Variants in TYW1 observed in about 807,000 individuals in gnomAD.
TYW1 encodes S-adenosyl-L-methionine-dependent tRNA 4-demethylwyosine synthase TYW1.
A neutral mutation model predicts 96.2 loss-of-function variants in TYW1; 46 were observed. The ratio of observed to expected loss-of-function variants is 0.48; its 90% confidence interval spans 0.38 to 0.61. The LOEUF (loss-of-function observed/expected upper bound fraction) is 0.61. TYW1 is among the 20% of genes least tolerant of loss of function. The pLI, the probability that TYW1 is intolerant of heterozygous loss-of-function variation, is 0.00. For missense variants in TYW1, 684 were observed against 909.6 expected (o/e 0.75, Z 3.19); for synonymous variants, 274 against 323.0 (o/e 0.85, Z 1.63).
intron 11 of TYW1, among the ~76,000 whole-genome samples, chr7:67,093,699 T>C (rs1448056547): frequency 1.3e-5 from 2 of 152,132 alleles, no homozygotes; most frequent in Non-Finnish European, 2.9e-5. Flanking sequence ...AAAAAATTAT[T>C]CATCCATCCA....
At chr7:67,121,896 A>G (rs1472543733) in intron 13 of TYW1, among the ~76,000 whole-genome samples, 1 of 149,106 alleles carries the variant, frequency 6.7e-6, no homozygotes, top group Non-Finnish European at 1.5e-5. Context: ...ATATATTGGT[A>G]CTTGAGTATG....
intron 6 of TYW1, among the ~76,000 whole-genome samples, chr7:67,019,423 C>G (rs1794152956): frequency 6.6e-6 from 1 of 151,998 alleles, no homozygotes; most frequent in Non-Finnish European, 1.5e-5. Flanking sequence ...GTCTCGAACT[C>G]CTGACCTCAG....
intron 8 of TYW1, among the ~76,000 whole-genome samples, chr7:67,051,935 G>A (rs557564461): frequency 1.1e-4 from 17 of 152,102 alleles, no homozygotes; most frequent in African/African-American, 4.1e-4. Flanking sequence ...GTTGACAGCT[G>A]TTTTTTCCTT....
intron 15 of TYW1, among the ~76,000 whole-genome samples, chr7:67,201,628 G>A (rs562279934): frequency 5.3e-5 from 8 of 152,080 alleles, no homozygotes; most frequent in East Asian, 3.9e-4. Context: ...ACTCGGTGAC[G>A]TCAGGAAGAA....
intron 7 of TYW1, among the ~76,000 whole-genome samples, chr7:67,049,626 A>C: frequency 6.6e-6 from 1 of 150,446 alleles, no homozygotes. Flanking sequence ...GGCTCACTGC[A>C]ACTTTCGTTT....
At chr7:67,090,621 C>T (rs1297709325) in intron 11 of TYW1, among the ~76,000 whole-genome samples, 2 of 152,028 alleles carry the variant, frequency 1.3e-5, no homozygotes, top group Admixed American at 1.3e-4. Context: ...AATAACAAAG[C>T]AGAGTTTAGT....
At chr7:67,137,363 C>T (rs1584606884) in intron 13 of TYW1, among the ~76,000 whole-genome samples, 1 of 151,978 alleles carries the variant, frequency 6.6e-6, no homozygotes, top group African/African-American at 2.4e-5. Context: ...CACCTGTAAT[C>T]TCAGCACTTT....
chr7:67,057,047 G>T (rs1272710266), intron 9 of TYW1, among the ~76,000 whole-genome samples: 2 of 146,282 alleles, frequency 1.4e-5, no homozygotes, highest in African/African-American at 5.0e-5. Context: ...ATGGAGTCTC[G>T]CTCTGTTGCC....
chr7:67,194,339 T>C lies in TYW1; in HGVS notation c.1810-831T>C, dbSNP rs545382941. Reference sequence around the variant, plus strand: ...CAAAATTAACTCCCTAAAGAATAATTTTAGGCCAGGTGTAGTGGCTCACAC... The same window carrying C: ...CAAAATTAACTCCCTAAAGAATAATCTTAGGCCAGGTGTAGTGGCTCACAC... On this transcript the variant is annotated intron_variant, in intron 14 of 15. Transcript: ENST00000359626. Among the ~76,000 whole-genome samples the C allele has an allele frequency of 1.8e-4, 27 of 150,850 alleles. No individual in the cohort carries two copies. The South Asian group carries it at 5.7e-3, about 32-fold the overall frequency.
intron 7 of TYW1, among the ~76,000 whole-genome samples, chr7:67,044,272 T>C (rs541395860): frequency 3.9e-5 from 6 of 152,126 alleles, no homozygotes; most frequent in Admixed American, 1.3e-4. Flanking sequence ...CTAATTTTTG[T>C]ATTTTCAGAA....
rs1796074465 is a variant in TYW1 at position 67,072,938 on chromosome 7, T to TG, written c.1274+5535_1274+5536insG. 5.3e-5 allele frequency among the ~76,000 whole-genome samples: 5 copies of TG among 93,878 alleles called. No homozygotes were observed. In the South Asian group the frequency reaches 1.8e-3, roughly 34 times the overall value. 61.6% of individuals were successfully genotyped at this position (93,878 alleles called of 152,430 possible). On this transcript the variant is annotated intron_variant, in intron 10 of 15. Coordinates refer to ENST00000359626, the MANE Select transcript of TYW1 (RefSeq NM_018264.4). ...TTGTGCCACAATGCCTATCCAGTTT[T>TG]TTTTTTTTTTTTTTTTTTTTTTTTT...
intron 15 of TYW1, among the ~76,000 whole-genome samples, chr7:67,209,705 T>C (rs895964493): frequency 6.6e-6 from 1 of 152,074 alleles, no homozygotes; most frequent in African/African-American, 2.4e-5. Flanking sequence ...CCTGAGTAGC[T>C]GGGATTACAA....
intron 13 of TYW1, among the ~76,000 whole-genome samples, chr7:67,178,808 G>A (rs1182471669): frequency 6.7e-6 from 1 of 149,456 alleles, no homozygotes; most frequent in East Asian, 1.9e-4. Context: ...GAGCAGAAGG[G>A]TGTCTGGGTG....
At chr7:67,039,257 C>T (rs1190765500) in intron 7 of TYW1, among the ~76,000 whole-genome samples, 4 of 152,056 alleles carry the variant, frequency 2.6e-5, no homozygotes, top group African/African-American at 9.7e-5. Flanking sequence ...GAGATCAAGA[C>T]CATCCTGGCT....
intron 13 of TYW1, among the ~76,000 whole-genome samples, chr7:67,131,022 A>G (rs1244205528): frequency 6.6e-6 from 1 of 152,008 alleles, no homozygotes; most frequent in Non-Finnish European, 1.5e-5. Flanking sequence ...TGATTGCCAC[A>G]TAAGTATTTG....
chr7:67,224,220 C>G (rs1344029332), intron 15 of TYW1, among the ~76,000 whole-genome samples: 1 of 152,208 alleles, frequency 6.6e-6, no homozygotes, highest in Non-Finnish European at 1.5e-5. Context: ...CTCCGCCTCC[C>G]GGGTTCAAGT....
chr7:67,215,278 C>T (rs1367261595), intron 15 of TYW1, among the ~76,000 whole-genome samples: 1 of 151,822 alleles, frequency 6.6e-6, no homozygotes, highest in Non-Finnish European at 1.5e-5. Context: ...AGCTCAAGCA[C>T]CCACCCCCAC....
intron 13 of TYW1, among the ~76,000 whole-genome samples, chr7:67,163,571 T>TA (rs780758542): frequency 2.0e-5 from 3 of 152,216 alleles, no homozygotes; most frequent in Non-Finnish European, 4.4e-5. Flanking sequence ...CACACTGTCC[T>TA]ACGATTCAGT....
At chr7:67,053,563 A>G (rs1354159428) in intron 8 of TYW1, among the ~76,000 whole-genome samples, 2 of 151,946 alleles carry the variant, frequency 1.3e-5, no homozygotes, top group African/African-American at 4.8e-5. Flanking sequence ...TATTTTTAGT[A>G]GAGACAGGGT....
Sources: allele counts gnomAD v4.1 joint callset (sites outside exome capture counted in the v4.1 genomes callset), GRCh38; gene constraint gnomAD v4.1.1; transcripts MANE v1.5; gene names NCBI Gene and HGNC (gene_info 2026-07-23, HGNC 2026-07-21).